SUGCT: variants seen among roughly 807,000 people sequenced by gnomAD.
SUGCT encodes succinyl-CoA:glutarate CoA-transferase.
Under a neutral mutation model 55.0 loss-of-function variants are expected in SUGCT, and 41 were observed. The ratio of observed to expected loss-of-function variants is 0.74; its 90% CI spans 0.58 to 0.97. The LOEUF is 0.97. Among genes scored for constraint, SUGCT ranks in the 50% least tolerant of loss-of-function variants. The pLI is 0.00. For missense variants in SUGCT, 568 were observed against 547.8 expected (o/e 1.04, Z -0.37); for synonymous variants, 187 against 200.4 (o/e 0.93, Z 0.56).
chr7:40,379,859 G>A (rs1021873125), intron 9 of SUGCT, among the ~76,000 whole-genome samples: 2 of 152,170 alleles, frequency 1.3e-5, no homozygotes. Flanking sequence ...GTGTTCATGG[G>A]TCTCATAGGT....
intron 9 of SUGCT, among the ~76,000 whole-genome samples, chr7:40,332,791 C>A (rs1178069913): frequency 6.6e-6 from 1 of 151,984 alleles, no homozygotes; most frequent in Non-Finnish European, 1.5e-5. Context: ...TAGGGTTTAA[C>A]CTAAAAACTG....
At chr7:40,372,877 C>T (rs752118093) in intron 9 of SUGCT, among the ~76,000 whole-genome samples, 7 of 151,976 alleles carry the variant, frequency 4.6e-5, no homozygotes, top group Non-Finnish European at 8.8e-5. Context: ...CAAGTAACCA[C>T]GCATTTTGTC....
intron 1 of SUGCT, among the ~76,000 whole-genome samples, chr7:40,171,098 C>T (rs1784648472): frequency 6.6e-6 from 1 of 152,202 alleles, no homozygotes; most frequent in Non-Finnish European, 1.5e-5. Context: ...AGTTTTTGCC[C>T]ACTAGGGCCT....
chr7:40,998,077 T>C, the SUGCT span, among the ~76,000 whole-genome samples: 2 of 152,092 alleles, frequency 1.3e-5, no homozygotes, highest in African/African-American at 4.8e-5. Context: ...CGGAATGATT[T>C]TGAAAGTAGG....
chr7:41,036,919 T>A, the SUGCT span, among the ~76,000 whole-genome samples: 2 of 152,218 alleles, frequency 1.3e-5, no homozygotes. Flanking sequence ...TCTGCTGCAA[T>A]CAGGCACAAA....
chr7:40,456,586 A>G (rs1419444686), intron 10 of SUGCT, among the ~76,000 whole-genome samples: 1 of 152,044 alleles, frequency 6.6e-6, no homozygotes, highest in Non-Finnish European at 1.5e-5. Flanking sequence ...TATGGGAAAA[A>G]GTGGTCAAGG....
intron 9 of SUGCT, among the ~76,000 whole-genome samples, chr7:40,423,446 A>C (rs1787419519): frequency 6.6e-6 from 1 of 152,292 alleles, no homozygotes; most frequent in South Asian, 2.1e-4. Context: ...TTAAGTAACC[A>C]AAAGCTATTA....
rs368171615 is a variant in SUGCT, at chr7:40,209,349, T to G, written c.484+14289T>G. On this transcript the variant is annotated intron_variant, in intron 6 of 13. Transcript: ENST00000335693. ...CCATCTCTACTAAAAATACAAAAAA[T>G]TAGCCGAGCGTGGTGGCACTTGCCT... is the stretch of plus-strand genomic sequence containing the variant. 8.6e-5 allele frequency among the ~76,000 whole-genome samples: 13 copies of G among 151,416 alleles called. No homozygotes were observed. The South Asian group carries it at 1.7e-3, about 19-fold the overall frequency.
chr7:41,024,661 CAAAAA>C, the SUGCT span, among the ~76,000 whole-genome samples: 1 of 121,512 alleles, frequency 8.2e-6, no homozygotes, highest in African/African-American at 2.9e-5. Flanking sequence ...AACAATTTGG[CAAAAA>C]AAAAAAAAAA....
chr7:40,368,494 G>C (rs1467896731), intron 9 of SUGCT, among the ~76,000 whole-genome samples: 1 of 151,998 alleles, frequency 6.6e-6, no homozygotes, highest in Non-Finnish European at 1.5e-5. Context: ...ACCACACCCG[G>C]ACTATTGTTC....
intron 12 of SUGCT, among the ~76,000 whole-genome samples, chr7:40,644,811 G>A (rs117170105): frequency 0.015 from 2,232 of 152,200 alleles, 21 homozygotes; most frequent in Non-Finnish European, 0.024. Context: ...TGCCGTCACC[G>A]AAACTTGCCC....
intron 12 of SUGCT, among the ~76,000 whole-genome samples, chr7:40,728,223 G>A (rs1423327046): frequency 6.6e-6 from 1 of 151,960 alleles, no homozygotes; most frequent in Non-Finnish European, 1.5e-5. Context: ...CCTTATTAAG[G>A]ATATACATAT....
chr7:40,535,081 G>A (rs1469205775), intron 12 of SUGCT, among the ~76,000 whole-genome samples: 1 of 152,090 alleles, frequency 6.6e-6, no homozygotes, highest in Admixed American at 6.6e-5. Flanking sequence ...ATATAAAGAT[G>A]CAATAAAACA....
At chr7:40,748,061 G>A (rs1787821770) in intron 12 of SUGCT, among the ~76,000 whole-genome samples, 1 of 151,814 alleles carries the variant, frequency 6.6e-6, no homozygotes, top group Admixed American at 6.6e-5. Flanking sequence ...GAATGTCCCT[G>A]CACTAGTAAC....
At chr7:41,031,094 T>C in the SUGCT span, among the ~76,000 whole-genome samples, 6 of 152,260 alleles carry the variant, frequency 3.9e-5, no homozygotes, top group Middle Eastern at 3.4e-3. Context: ...CCCAAGTAGC[T>C]AGGACCACAA....
the SUGCT span, among the ~76,000 whole-genome samples, chr7:40,967,777 C>T: frequency 1.3e-3 from 197 of 150,328 alleles, 2 homozygotes; most frequent in African/African-American, 4.5e-3. Context: ...CCCGCCACCA[C>T]GCCCAGCTAA....
chr7:40,783,275 G>A (rs1274961405), intron 13 of SUGCT, among the ~76,000 whole-genome samples: 3 of 152,156 alleles, frequency 2.0e-5, no homozygotes, highest in Non-Finnish European at 4.4e-5. Context: ...CTGGAGCTAA[G>A]AGGGTGGCCA....
Position 40,584,083 on chromosome 7 carries a change from G to A in SUGCT, c.1089+87697G>A, listed in dbSNP as rs140353733. 3.9e-4 allele frequency among the ~76,000 whole-genome samples: 60 copies of A among 152,220 alleles called. No homozygotes were observed. The East Asian group carries it at 7.9e-3, about 20-fold the overall frequency. ...AGAAAAGGTCATACAGTGTGGCGTCGAATGTAATTTTAGGAATTGTTTTTT... is the reference window on the plus strand; with the variant it reads ...AGAAAAGGTCATACAGTGTGGCGTCAAATGTAATTTTAGGAATTGTTTTTT... On this transcript the variant is annotated intron_variant, in intron 12 of 13. Coordinates refer to ENST00000335693, the MANE Select transcript of SUGCT (RefSeq NM_001193313.2).
At chr7:40,561,330 A>T (rs1795824119) in intron 12 of SUGCT, among the ~76,000 whole-genome samples, 1 of 152,200 alleles carries the variant, frequency 6.6e-6, no homozygotes, top group Non-Finnish European at 1.5e-5. Flanking sequence ...CTTTTCCTAA[A>T]ATCTCCTTCA....
Sources: gnomAD v4.1 joint callset for allele counts (sites outside exome capture counted in the v4.1 genomes callset) on GRCh38, gnomAD v4.1.1 for gene constraint, MANE v1.5 for transcripts, NCBI Gene and HGNC (gene_info 2026-07-23, HGNC 2026-07-21) for gene names.